Variants in ANKEF1 observed in about 807,000 individuals in gnomAD.
ANKEF1 encodes the protein ankyrin repeat and EF-hand domain-containing protein 1.
ANKEF1 carries 43 observed loss-of-function variants against 65.1 expected under a neutral mutation model. That is an observed-to-expected ratio of 0.66 (90% CI 0.52 to 0.85). The LOEUF (loss-of-function observed/expected upper bound fraction) is 0.85. Among genes scored for constraint, ANKEF1 ranks in the 40% least tolerant of loss-of-function variants. The pLI is 0.00. For synonymous variants in ANKEF1, 316 were observed against 341.5 expected, an observed-to-expected ratio of 0.93 and a Z score of 0.82; for missense variants, 934 against 952.9, an observed-to-expected ratio of 0.98 and a Z score of 0.26.
At chr20:10,048,873 G>A (rs1984669211) in intron 6 of ANKEF1, among the ~76,000 whole-genome samples, 1 of 152,046 alleles carries the variant, frequency 6.6e-6, no homozygotes, top group Admixed American at 6.5e-5. Context: ...CAAAACAGCA[G>A]ATTAGTATAA....
At chr20:10,054,989 G>A (rs1985065537) in intron 10 of ANKEF1, among the ~76,000 whole-genome samples, 1 of 152,074 alleles carries the variant, frequency 6.6e-6, no homozygotes, top group Non-Finnish European at 1.5e-5. Context: ...ATCAAGACTG[G>A]ATTTATTCAG....
At chr20:10,043,674 T>TC (rs1984336562) in intron 4 of ANKEF1, among the ~76,000 whole-genome samples, 1 of 142,798 alleles carries the variant, frequency 7.0e-6, no homozygotes, top group Admixed American at 7.0e-5. Flanking sequence ...TTTTTTTTTT[T>TC]TGGAGACAGC....
chr20:10,051,616 C>A, intron 7 of ANKEF1, 47 bp from the exon 8 acceptor site: 2 of 1,438,414 alleles, frequency 1.4e-6, no homozygotes, highest in South Asian at 2.4e-5. Context: ...AGTGTCCAGT[C>A]ATTGGAAAAC....
In ANKEF1 at chr20:10,049,754, C is replaced by A. The variant is rs1984736669; in HGVS notation, c.1185C>A (p.Phe395Leu). The part of the protein sequence containing the change: ...TRGGGVNINE[F>L]FKGTRYLNKS... ...GAGGAGGGGTCAATATTAATGAATTCTTTAAAGGAACCAGATATTTAAACA... is the reference window on the plus strand; with the variant it reads ...GAGGAGGGGTCAATATTAATGAATTATTTAAAGGAACCAGATATTTAAACA... Residue 395 changes from phenylalanine (F) to leucine (L), a missense_variant, in exon 7 of 11, where the codon TTC becomes TTA. Phe to Leu is a conservative substitution (Grantham distance 22). Transcript: ENST00000378392. 1 of 1,614,026 alleles carries A rather than the reference C, an allele frequency of 6.2e-7. No homozygotes were observed. Among genetic ancestry groups the A allele is most frequent in the Non-Finnish European group, 8.5e-7 (1 of 1,179,994 alleles).
At position 10,056,526 on chromosome 20, in the gene ANKEF1, A is replaced by ATAGATAGG. The variant is rs1252886661; in HGVS notation, c.*873_*874insGTAGATAG. On this transcript the variant is annotated 3_prime_UTR_variant, in exon 11 of 11. Coordinates refer to ENST00000378392, the MANE Select transcript of ANKEF1 (RefSeq NM_022096.6). Reference sequence around the variant, plus strand: ...GATAGATAGATAGATAGATAGATAGATAGATAGATAGAGATTTATTGCAAA... The same window carrying ATAGATAGG: ...GATAGATAGATAGATAGATAGATAGATAGATAGGTAGATAGATAGAGATTTATTGCAAA... The ATAGATAGG allele has an allele frequency of 1.3e-5, 2 of 151,864 alleles. No homozygotes were observed. The highest frequency in any genetic ancestry group is 4.8e-5 in the African/African-American group (2 of 41,464). The allele number at this position is 151,864 out of a possible 1,614,324, so 9.4% of individuals were successfully genotyped here. A position where few individuals can be genotyped will look rare whatever the true frequency, so the allele number is the denominator to read the frequency against.
At position 10,050,057 on chromosome 20, in the gene ANKEF1, T is replaced by G; in HGVS notation, c.1488T>G (p.Ile496Met). The change falls in exon 7 of 11, where the codon ATT becomes ATG. Residue 496 changes from isoleucine to methionine, a missense_variant. Transcript: ENST00000378392. ...ATTCAGAGAAGGTATTTTCAAACATTAATATTATCACCAAAGCAGGGGATC... is the reference window on the plus strand; with the variant it reads ...ATTCAGAGAAGGTATTTTCAAACATGAATATTATCACCAAAGCAGGGGATC... ...IDDSEKVFSNINIITKAGDLA... is the reference protein window; with the variant it reads ...IDDSEKVFSNMNIITKAGDLA... 6.2e-7 allele frequency: 1 copy of G among 1,614,148 alleles called. No individual in the cohort carries two copies. Among genetic ancestry groups the G allele is most frequent in the Non-Finnish European group, 8.5e-7 (1 of 1,180,012 alleles).
chr20:10,053,404 T>G, intron 9 of ANKEF1, 129 bp downstream of exon 9: 1 of 704,512 alleles, frequency 1.4e-6, no homozygotes, highest in South Asian at 2.6e-5. Context: ...ATACTTTCAA[T>G]AGCATTATTA....
intron 3 of ANKEF1, among the ~76,000 whole-genome samples, chr20:10,042,316 T>A (rs1984238804): frequency 6.6e-6 from 1 of 152,206 alleles, no homozygotes; most frequent in African/African-American, 2.4e-5. Context: ...ATCAGTTTCC[T>A]TTTTCCTTGC....
At chr20:10,035,866 C>T (rs951117426) in intron 2 of ANKEF1, among the ~76,000 whole-genome samples, 15 of 152,150 alleles carry the variant, frequency 9.9e-5, no homozygotes, top group Admixed American at 8.5e-4. Flanking sequence ...ATGTAATTTC[C>T]GAGTATTCAG....
chr20:10,041,966 G>A (rs1481072629), intron 3 of ANKEF1, among the ~76,000 whole-genome samples: 5 of 152,142 alleles, frequency 3.3e-5, no homozygotes, highest in Non-Finnish European at 5.9e-5. Context: ...AAGTTATAGT[G>A]TAGAGATCCT....
chr20:10,054,904 T>C (rs1985059181), intron 10 of ANKEF1, among the ~76,000 whole-genome samples: 1 of 152,016 alleles, frequency 6.6e-6, no homozygotes, highest in African/African-American at 2.4e-5. Flanking sequence ...CTAAGGATAC[T>C]TTTTTTTGGT....
chr20:10,047,012 TAGC>T (rs1194607929), intron 6 of ANKEF1, among the ~76,000 whole-genome samples: 5 of 152,244 alleles, frequency 3.3e-5, no homozygotes, highest in Admixed American at 6.5e-5. Context: ...CTGTCTCTAT[TAGC>T]AGTTTATTCT....
At chr20:10,049,285 T>G (rs908160855) in intron 6 of ANKEF1, 105 bp from the exon 7 acceptor site, 33 of 1,125,216 alleles carry the variant, frequency 2.9e-5, no homozygotes, top group Non-Finnish European at 3.7e-5. Context: ...TGGGGACACA[T>G]TTTTTACTAA....
chr20:10,051,730 C>G lies in ANKEF1; in HGVS notation c.1711C>G (p.Gln571Glu). 1 of 1,613,802 alleles carries G rather than the reference C, an allele frequency of 6.2e-7. No homozygotes were observed. The highest frequency in any genetic ancestry group is 1.1e-5 in the South Asian group (1 of 91,062). ...TCATTTTGCATGCCATGCAGGCCAA[C>G]AAGACATTGTTGAGCTTCTTGTTGA... is the stretch of plus-strand genomic sequence containing the variant. Reference protein sequence around the residue: ...PLHFACHAGQQDIVELLVESG... With the variant: ...PLHFACHAGQEDIVELLVESG... Residue 571 changes from glutamine to glutamate, a missense_variant, in exon 8 of 11, where the codon CAA (glutamine) becomes GAA (glutamate). Transcript: ENST00000378392.
intron 3 of ANKEF1, among the ~76,000 whole-genome samples, chr20:10,039,797 T>C (rs1431036317): frequency 6.6e-6 from 1 of 152,202 alleles, no homozygotes; most frequent in Non-Finnish European, 1.5e-5. Context: ...ATCTTTCACA[T>C]TGTTGGCTCA....
chr20:10,038,863 C>T (rs1473246440), intron 3 of ANKEF1, among the ~76,000 whole-genome samples: 1 of 152,180 alleles, frequency 6.6e-6, no homozygotes, highest in Non-Finnish European at 1.5e-5. Flanking sequence ...AGAGCTTGCT[C>T]ATATACTTAG....
intron 3 of ANKEF1, among the ~76,000 whole-genome samples, chr20:10,041,528 G>T (rs552036261): frequency 1.4e-4 from 22 of 152,052 alleles, no homozygotes; most frequent in African/African-American, 5.1e-4. Flanking sequence ...TTCTTTCAAT[G>T]ATTCCCTTTT....
chr20:10,040,709 A>C (rs956192280), intron 3 of ANKEF1: 4 of 152,182 alleles, frequency 2.6e-5, no homozygotes, highest in Non-Finnish European at 4.4e-5. Context: ...TCAATTTAGG[A>C]ATGCTGATTC....
chr20:10,045,570 A>T lies in ANKEF1; in HGVS notation c.697-4A>T. 6.2e-7 allele frequency: 1 copy of T among 1,612,962 alleles called. No homozygotes were observed. On this transcript the variant is annotated splice_region_variant and splice_polypyrimidine_tract_variant and intron_variant, in intron 5 of 10. Transcript: ENST00000378392. ...CTCCACAATATCCACTATTTATTTT[A>T]CAGATATTGAAGCTTCTTTTTGCCT...
Sources: gnomAD v4.1 joint callset for allele counts (sites outside exome capture counted in the v4.1 genomes callset) on GRCh38, gnomAD v4.1.1 for gene constraint, MANE v1.5 for transcripts, NCBI Gene and HGNC (gene_info 2026-07-23, HGNC 2026-07-21) for gene names.